Variants in CNOT6L observed in about 807,000 individuals in gnomAD.
CNOT6L encodes CCR4-NOT transcription complex subunit 6 like, also known as CCR4-NOT transcription complex subunit 6-like.
CNOT6L carries 7 observed loss-of-function variants against 64.0 expected under a neutral mutation model. That is an observed-to-expected ratio of 0.11 (90% CI 0.06 to 0.21). The LOEUF (loss-of-function observed/expected upper bound fraction) is 0.21, where lower values mean the gene tolerates loss of function less well. CNOT6L is among the 10% of genes least tolerant of loss of function. The pLI, the probability that CNOT6L is intolerant of heterozygous loss-of-function variation, is 1.00. For missense variants in CNOT6L, 245 were observed against 669.0 expected, an observed-to-expected ratio of 0.37 and a Z score of 6.99; for synonymous variants, 193 against 243.4, an observed-to-expected ratio of 0.79 and a Z score of 1.93.
At chr4:77,759,437 C>T (rs1415091240) in intron 4 of CNOT6L, among the ~76,000 whole-genome samples, 2 of 151,808 alleles carry the variant, frequency 1.3e-5, no homozygotes, top group African/African-American at 4.8e-5. Context: ...TGGTTGCGGG[C>T]GCTTGTAGTC....
chr4:77,784,809 T>C (rs2110090816), intron 1 of CNOT6L, among the ~76,000 whole-genome samples: 2 of 152,294 alleles, frequency 1.3e-5, no homozygotes, highest in East Asian at 3.9e-4. Context: ...TGATTTAGTT[T>C]CTGTTTTCTT....
At chr4:77,776,141 A>T in intron 2 of CNOT6L, 130 bp downstream of exon 2, 1 of 845,096 alleles carries the variant, frequency 1.2e-6, no homozygotes, top group Non-Finnish European at 1.9e-6. Context: ...AGAAAACACT[A>T]GTATCTTACC....
rs1435743544 is a variant in CNOT6L, at chr4:77,808,706, A to C, written c.5+10598T>G. 3.3e-5 allele frequency among the ~76,000 whole-genome samples: 5 copies of C among 152,148 alleles called. No homozygotes were observed. The East Asian group carries it at 9.6e-4, about 29-fold the overall frequency. On this transcript the variant is annotated intron_variant, in intron 1 of 11. Coordinates refer to ENST00000504123, the MANE Select transcript of CNOT6L (RefSeq NM_144571.3). ...AAGGAAGATATTACAGTAGTCTATT[A>C]ATTTTTTCCCTGCCTTTTTTCTCAT...
chr4:77,760,331 G>A (rs1038831754), intron 4 of CNOT6L, among the ~76,000 whole-genome samples: 5 of 151,880 alleles, frequency 3.3e-5, no homozygotes, highest in African/African-American at 9.7e-5. Context: ...GCTATGATAA[G>A]ACCACTGCAC....
intron 1 of CNOT6L, among the ~76,000 whole-genome samples, chr4:77,799,313 T>C (rs1458435491): frequency 6.6e-6 from 1 of 152,134 alleles, no homozygotes; most frequent in Non-Finnish European, 1.5e-5. Flanking sequence ...TAGTCCCAAC[T>C]GCTCAGGAAG....
intron 1 of CNOT6L, among the ~76,000 whole-genome samples, chr4:77,796,051 AC>A (rs1268483022): frequency 3.9e-5 from 6 of 152,102 alleles, no homozygotes; most frequent in Admixed American, 1.3e-4. Flanking sequence ...CAGGCTTGTT[AC>A]ATGGGTATAT....
At chr4:77,763,765 A>T (rs1045824928) in intron 4 of CNOT6L, among the ~76,000 whole-genome samples, 6 of 152,226 alleles carry the variant, frequency 3.9e-5, no homozygotes, top group African/African-American at 1.4e-4. Flanking sequence ...GGCAAGAATC[A>T]ACAAATGTCA....
At chr4:77,773,363 G>T (rs989970608) in intron 3 of CNOT6L, among the ~76,000 whole-genome samples, 197 bp from the exon 4 acceptor site, 1 of 152,108 alleles carries the variant, frequency 6.6e-6, no homozygotes, top group South Asian at 2.1e-4. Flanking sequence ...ATTAACAATG[G>T]TTCTATTTCT....
chr4:77,819,678 C>CGGCGGCGGT (rs1010645062), upstream of CNOT6L: 2 of 148,972 alleles, frequency 1.3e-5, no homozygotes, highest in Non-Finnish European at 2.9e-5. Flanking sequence ...GGGGAGGCGG[C>CGGCGGCGGT]GGCGGCGGTG....
At position 77,754,888 on chromosome 4, in the gene CNOT6L, TAAAA is replaced by T; in HGVS notation, c.490+1970_490+1973del. Among the ~76,000 whole-genome samples the T allele has an allele frequency of 6.4e-3, 235 of 36,948 alleles. 3 individuals are homozygous for T. Among genetic ancestry groups the T allele is most frequent in the Admixed American group, 0.048 (109 of 2,280 alleles). The allele number at this position is 36,948 out of a possible 152,430, so 24.2% of individuals were successfully genotyped here. On this transcript the variant is annotated intron_variant, in intron 5 of 11. Transcript: ENST00000504123. ...AAAACCTAATTCTAAACATTAGAAG[TAAAA>T]AAAAAAAAAAAAAAAAAAAAACCGG...
intron 1 of CNOT6L, among the ~76,000 whole-genome samples, chr4:77,789,384 C>A (rs16996915): frequency 0.24 from 35,993 of 151,628 alleles, 5,210 homozygotes; most frequent in East Asian, 0.48. Flanking sequence ...AATGCAAGGA[C>A]CTTTTAGCCA....
intron 1 of CNOT6L, among the ~76,000 whole-genome samples, chr4:77,787,770 A>G (rs1165958633): frequency 6.6e-6 from 1 of 152,220 alleles, no homozygotes; most frequent in Non-Finnish European, 1.5e-5. Context: ...ACTACATATA[A>G]GTTATTTACC....
chr4:77,775,747 A>T (rs139812191), intron 2 of CNOT6L, among the ~76,000 whole-genome samples: 80 of 152,312 alleles, frequency 5.3e-4, no homozygotes, highest in African/African-American at 1.8e-3. Flanking sequence ...AGTATTAATC[A>T]AGTTAGGTAT....
intron 6 of CNOT6L, among the ~76,000 whole-genome samples, chr4:77,747,160 A>G (rs1275672109): frequency 6.6e-6 from 1 of 152,106 alleles, no homozygotes; most frequent in Non-Finnish European, 1.5e-5. Flanking sequence ...TACCCTTTAA[A>G]AATTAACTAT....
chr4:77,802,510 T>C (rs1326129108), intron 1 of CNOT6L, among the ~76,000 whole-genome samples: 1 of 152,210 alleles, frequency 6.6e-6, no homozygotes, highest in African/African-American at 2.4e-5. Flanking sequence ...TCATCCCACA[T>C]GGCTTCTCTG....
chr4:77,797,533 G>A (rs1731003696), intron 1 of CNOT6L, among the ~76,000 whole-genome samples: 1 of 152,140 alleles, frequency 6.6e-6, no homozygotes, highest in Non-Finnish European at 1.5e-5. Flanking sequence ...GTCTCACAGT[G>A]TGTTTAAGAA....
intron 11 of CNOT6L, among the ~76,000 whole-genome samples, chr4:77,725,926 G>C (rs1315514976): frequency 2.0e-5 from 3 of 151,930 alleles, no homozygotes; most frequent in Admixed American, 1.3e-4. Context: ...GAGCATTTTA[G>C]AAGTTTTTGT....
rs1720978789 is a variant in CNOT6L, at chr4:77,718,535, A to T, written c.*1896T>A. ...CATTTTTAAAAGATATTTTATTTAC[A>T]TCAAAATTCACTGAACTACAATGAC... On this transcript the variant is annotated 3_prime_UTR_variant, in exon 12 of 12. Coordinates refer to ENST00000504123, the MANE Select transcript of CNOT6L (RefSeq NM_144571.3). 1 of 152,550 alleles carries T rather than the reference A, an allele frequency of 6.6e-6. No homozygotes were observed. The highest frequency in any genetic ancestry group is 6.5e-5 in the Admixed American group (1 of 15,270). The allele number at this position is 152,550 out of a possible 1,614,324, so 9.4% of individuals were successfully genotyped here.
At position 77,728,843 on chromosome 4, in the gene CNOT6L, ATT is replaced by A; in HGVS notation, c.1252+9_1252+10del. ...AAATTGAAAGCAGTGAGGAAATGAT[ATT>A]ATAAATACCTGAATCTGGCAATGAG... On this transcript the variant is annotated intron_variant, in intron 10 of 11. Coordinates refer to ENST00000504123, the MANE Select transcript of CNOT6L (RefSeq NM_144571.3). The A allele has an allele frequency of 6.2e-7, 1 of 1,605,836 alleles. No individual in the cohort carries two copies. Among genetic ancestry groups the A allele is most frequent in the Non-Finnish European group, 8.5e-7 (1 of 1,172,560 alleles).
Sources: allele counts gnomAD v4.1 joint callset (sites outside exome capture counted in the v4.1 genomes callset), GRCh38; gene constraint gnomAD v4.1.1; transcripts MANE v1.5; gene names NCBI Gene and HGNC (gene_info 2026-07-23, HGNC 2026-07-21).